The following NAE1 variants were observed in gnomAD, a reference collection of about 807,000 sequenced individuals.
The protein encoded by NAE1 is NEDD8 activating enzyme E1 subunit 1.
Under a neutral mutation model 88.0 loss-of-function variants are expected in NAE1, and 59 were observed. The observed-to-expected ratio is 0.67, with a 90% confidence interval of 0.54 to 0.83. NAE1 has a LOEUF of 0.83. Ranked by LOEUF, NAE1 falls within the 40% of genes least tolerant of loss-of-function variation. The pLI is 0.00. For synonymous variants in NAE1, 186 were observed against 208.9 expected, an observed-to-expected ratio of 0.89 and a Z score of 0.95; for missense variants, 554 against 632.8, an observed-to-expected ratio of 0.88 and a Z score of 1.34.
At chr16:66,815,071 C>A (rs1276387097) in intron 11 of NAE1, among the ~76,000 whole-genome samples, 1 of 152,140 alleles carries the variant, frequency 6.6e-6, no homozygotes, top group East Asian at 1.9e-4. Context: ...TCCCTATGTA[C>A]AATTGTCTCT....
intron 11 of NAE1, 97 bp from the exon 12 acceptor site, chr16:66,813,943 C>G (rs1416866728): frequency 2.6e-6 from 3 of 1,160,366 alleles, no homozygotes; most frequent in Middle Eastern, 2.8e-4. Flanking sequence ...TTTGAATTCT[C>G]AAATTGTAAT....
intron 6 of NAE1, 110 bp downstream of exon 6, chr16:66,823,117 T>C: frequency 1.9e-6 from 1 of 537,592 alleles, no homozygotes; most frequent in Non-Finnish European, 2.9e-6. Context: ...TTAAAGTTTC[T>C]ATAGAATTTA....
rs773235354 is a variant in NAE1, at chr16:66,816,577, T to C, written c.840+4A>G. The C allele has an allele frequency of 3.8e-6, 6 of 1,590,352 alleles. No homozygotes were observed. The highest frequency in any genetic ancestry group is 5.2e-6 in the Non-Finnish European group (6 of 1,159,532). ...TGTGAATCCCTCAGCAACTCTTTCA[T>C]TACCTGAGTTGTATTTAGTGCTGTG... On this transcript the variant is annotated splice_donor_region_variant and intron_variant, in intron 11 of 19. Coordinates refer to ENST00000290810, the MANE Select transcript of NAE1 (RefSeq NM_003905.4).
At chr16:66,828,153 T>C in intron 1 of NAE1, 2 of 1,078,352 alleles carry the variant, frequency 1.9e-6, no homozygotes, top group East Asian at 2.4e-5. Flanking sequence ...CTGACATATA[T>C]GGTTGATGGA....
chr16:66,804,286 T>G (rs866109823), intron 19 of NAE1, among the ~76,000 whole-genome samples: 3 of 152,210 alleles, frequency 2.0e-5, no homozygotes, highest in South Asian at 4.1e-4. Context: ...TACTTTTTTC[T>G]GCTATAGTTA....
rs199886245 is a variant in NAE1 at position 66,823,521 on chromosome 16, A to C, written c.321+8T>G. ...AGCACAGACATAATAATGTGTGTAC[A>C]TATATACCTCTTCCACAAAACTTCC... On this transcript the variant is annotated splice_region_variant and intron_variant, in intron 5 of 19. Transcript: ENST00000290810. The C allele has an allele frequency of 6.2e-7, 1 of 1,605,282 alleles. No homozygotes were observed. The highest frequency in any genetic ancestry group is 2.2e-5 in the East Asian group (1 of 44,782).
chr16:66,829,010 T>A (rs1017981049), intron 1 of NAE1, among the ~76,000 whole-genome samples: 3 of 149,352 alleles, frequency 2.0e-5, no homozygotes, highest in Non-Finnish European at 4.4e-5. Flanking sequence ...AAAAAAAGAA[T>A]CCTGGTGTGT....
rs555996094 is a variant in NAE1, at chr16:66,804,899, C to A, written c.1495+878G>T. On this transcript the variant is annotated intron_variant, in intron 19 of 19. Transcript: ENST00000290810. ...CTCACCAGACCTGACCATGCTGGCA[C>A]CCTGATCCCAGACTTCTAGCCTCCA... 7.7e-4 allele frequency among the ~76,000 whole-genome samples: 117 copies of A among 152,088 alleles called. 2 individuals carry two copies. The highest frequency in any genetic ancestry group is 7.2e-4 in the Admixed American group (11 of 15,264).
chr16:66,822,239 A>C (rs576726340), intron 6 of NAE1, among the ~76,000 whole-genome samples: 1 of 152,308 alleles, frequency 6.6e-6, no homozygotes, highest in Middle Eastern at 3.4e-3. Flanking sequence ...ACAAAAAAAC[A>C]ATGTTCGGTT....
At chr16:66,813,960 C>A (rs1020221072) in intron 11 of NAE1, 114 bp from the exon 12 acceptor site, 3 of 985,424 alleles carry the variant, frequency 3.0e-6, no homozygotes, top group Non-Finnish European at 1.5e-6. Flanking sequence ...TAATCAAATA[C>A]AAACTTCTGA....
Position 66,821,471 on chromosome 16 carries a change from T to G in NAE1, c.490A>C (p.Ile164Leu), listed in dbSNP as rs555401377. The change falls in exon 7 of 20, where the codon ATC becomes CTC. Residue 164 changes from isoleucine to leucine, a missense_variant. Transcript: ENST00000290810. The stretch of plus-strand genomic sequence containing the variant: ...TTACCTGGATGTTCTTTTATAATGA[T>G]CCTCATATAACCAACTAGTCCATAT... ...RTYGLVGYMR[I>L]IIKEHPVIES... 2 of 1,580,694 alleles carry G rather than the reference T, an allele frequency of 1.3e-6. No homozygotes were observed. The highest frequency in any genetic ancestry group is 2.7e-5 in the African/African-American group (2 of 73,224).
At chr16:66,813,401 A>C in intron 13 of NAE1, 163 bp downstream of exon 13, 2 of 834,980 alleles carry the variant, frequency 2.4e-6, no homozygotes, top group Non-Finnish European at 3.6e-6. Flanking sequence ...TTGGCCTCCC[A>C]AAGTGTTGGG....
At chr16:66,812,382 C>T (rs1201463374) in intron 13 of NAE1, among the ~76,000 whole-genome samples, 2 of 151,826 alleles carry the variant, frequency 1.3e-5, no homozygotes, top group African/African-American at 4.8e-5. Context: ...GTTCATAGCA[C>T]AGAGTTAAGG....
intron 4 of NAE1, 136 bp from the exon 5 acceptor site, chr16:66,823,736 CT>C: frequency 1.5e-6 from 1 of 688,834 alleles, no homozygotes; most frequent in South Asian, 2.3e-5. Flanking sequence ...TGTTTCCCTT[CT>C]TTTTTCTTTT....
chr16:66,806,817 T>G (rs1010412225), intron 17 of NAE1, among the ~76,000 whole-genome samples: 1 of 152,188 alleles, frequency 6.6e-6, no homozygotes, highest in Non-Finnish European at 1.5e-5. Flanking sequence ...CTATGAAGTA[T>G]GTATAGTTAT....
chr16:66,816,682 T>G lies in NAE1; in HGVS notation c.749-10A>C. The G allele has an allele frequency of 6.3e-7, 1 of 1,585,060 alleles. No homozygotes were observed. The highest frequency in any genetic ancestry group is 8.7e-7 in the Non-Finnish European group (1 of 1,155,850). On this transcript the variant is annotated splice_polypyrimidine_tract_variant and intron_variant, in intron 10 of 19. Transcript: ENST00000290810. ...TCATTTTTTAGAATTCCTATTGTAA[T>G]GGGAAATTGTTAGCAAACAGCCCTT... is the stretch of plus-strand genomic sequence containing the variant.
intron 13 of NAE1, among the ~76,000 whole-genome samples, chr16:66,811,598 T>C (rs924293359): frequency 2.0e-5 from 3 of 152,176 alleles, no homozygotes; most frequent in Admixed American, 1.3e-4. Flanking sequence ...ACGTAAAATT[T>C]CAACCATTTA....
intron 7 of NAE1, 50 bp from the exon 8 acceptor site, chr16:66,818,687 AAGAG>A (rs777122784): frequency 9.8e-6 from 15 of 1,538,430 alleles, no homozygotes; most frequent in Middle Eastern, 1.9e-4. Context: ...AAAAAAAAAA[AAGAG>A]AGAGATGGGG....
intron 13 of NAE1, among the ~76,000 whole-genome samples, chr16:66,811,698 G>A (rs897421481): frequency 5.3e-5 from 8 of 152,020 alleles, no homozygotes; most frequent in South Asian, 2.1e-4. Context: ...CACTGCATCC[G>A]GCCATAAAAG....
Sources: gnomAD v4.1 joint callset for allele counts (sites outside exome capture counted in the v4.1 genomes callset) on GRCh38, gnomAD v4.1.1 for gene constraint, MANE v1.5 for transcripts, NCBI Gene and HGNC (gene_info 2026-07-23, HGNC 2026-07-21) for gene names.